Variants in HEATR5B observed in about 807,000 individuals in gnomAD.
HEATR5B encodes the protein HEAT repeat-containing protein 5B.
In HEATR5B, 156 loss-of-function variants were observed where a neutral mutation model predicts 224.1. The observed-to-expected ratio is 0.70, with a 90% CI of 0.61 to 0.80. The LOEUF (loss-of-function observed/expected upper bound fraction) is 0.80, where lower values mean the gene tolerates loss of function less well. Among genes scored for constraint, HEATR5B ranks in the 30% least tolerant of loss-of-function variants. The pLI is 0.00. For missense variants in HEATR5B, 2,323 were observed against 2,535.5 expected (o/e 0.92, Z 1.80); for synonymous variants, 1,027 against 893.0 (o/e 1.15, Z -2.68).
Position 37,005,659 on chromosome 2 carries a change from A to G in HEATR5B, c.4878T>C (p.Tyr1626=). ...QALHTLLDSP[Y]ARVHIAEDQL... is the part of the protein sequence containing the mutation. ...GATCTTCTGCAATATGGACTCGAGCATAAGGGGAGTCTAGCAAGGTATGTA... is the reference window on the plus strand; with the variant it reads ...GATCTTCTGCAATATGGACTCGAGCGTAAGGGGAGTCTAGCAAGGTATGTA... The change falls in exon 30 of 36, where the codon TAT becomes TAC. Residue 1626 remains tyrosine, a synonymous_variant. Transcript: ENST00000233099. 6.2e-7 allele frequency: 1 copy of G among 1,613,772 alleles called. No individual in the cohort carries two copies. Among genetic ancestry groups the G allele is most frequent in the Non-Finnish European group, 8.5e-7 (1 of 1,179,666 alleles).
At position 37,005,634 on chromosome 2, in the gene HEATR5B, G is replaced by C. The variant is rs1572780872; in HGVS notation, c.4903C>G (p.Gln1635Glu). The C allele has an allele frequency of 6.2e-7, 1 of 1,613,310 alleles. No homozygotes were observed. Among genetic ancestry groups the C allele is most frequent in the Middle Eastern group, 1.7e-4 (1 of 6,054 alleles). ...TCTATCATAGCAATACACTGTACCT[G>C]ATCTTCTGCAATATGGACTCGAGCA... ...PYARVHIAEDQLIGVELLSVL... is the reference protein window; with the variant it reads ...PYARVHIAEDELIGVELLSVL... The change falls in exon 30 of 36, where the codon CAG (glutamine) becomes GAG (glutamate). Residue 1635 changes from glutamine (Q) to glutamate (E), a missense_variant and splice_region_variant. Coordinates refer to ENST00000233099, the MANE Select transcript of HEATR5B (RefSeq NM_019024.3).
intron 33 of HEATR5B, among the ~76,000 whole-genome samples, chr2:36,997,975 G>C (rs1666840908): frequency 6.6e-6 from 1 of 152,132 alleles, no homozygotes; most frequent in African/African-American, 2.4e-5. Flanking sequence ...CATGATATAA[G>C]AGCCTAAATG....
Position 37,060,667 on chromosome 2 carries a change from G to C in HEATR5B, c.1763C>G (p.Ser588Cys). The C allele has an allele frequency of 3.1e-6, 5 of 1,613,854 alleles. No individual in the cohort carries two copies. The highest frequency in any genetic ancestry group is 4.2e-6 in the Non-Finnish European group (5 of 1,179,904). The change falls in exon 12 of 36, where the codon TCC (serine) becomes TGC (cysteine). Residue 588 changes from serine (S) to cysteine (C), a missense_variant. This residue lies in a region of HEATR5B where 502 missense variants were observed against 517.8 expected (regional missense o/e 0.97). Coordinates refer to ENST00000233099, the MANE Select transcript of HEATR5B (RefSeq NM_019024.3). ...LLLWRNVFPR[S>C]LKELEAEKAR... ...CTTCTCAGCTTCCAATTCCTTTAAG[G>C]AACGTGGGAAAACATTTCGCCACAA...
chr2:36,997,186 G>T (rs1195984050), intron 33 of HEATR5B, among the ~76,000 whole-genome samples: 1 of 151,598 alleles, frequency 6.6e-6, no homozygotes, highest in Non-Finnish European at 1.5e-5. Flanking sequence ...TAATTTTTTT[G>T]TTTGTTTGTT....
intron 26 of HEATR5B, among the ~76,000 whole-genome samples, chr2:37,015,383 CAGTA>C (rs1668050414): frequency 6.6e-6 from 1 of 152,048 alleles, no homozygotes; most frequent in Non-Finnish European, 1.5e-5. Flanking sequence ...TGTATATAGA[CAGTA>C]AGTAATATGT....
chr2:37,003,471 G>A, intron 31 of HEATR5B, 71 bp downstream of exon 31: 2 of 1,106,116 alleles, frequency 1.8e-6, no homozygotes, highest in Non-Finnish European at 1.3e-6. Context: ...AATATGTCCT[G>A]GCGTTAATAT....
intron 33 of HEATR5B, among the ~76,000 whole-genome samples, chr2:36,994,418 C>T (rs1407342111): frequency 1.3e-5 from 2 of 152,110 alleles, no homozygotes; most frequent in African/African-American, 4.8e-5. Context: ...GTGAAAGATG[C>T]CAGATTTTGT....
chr2:36,981,820 G>C, intron 35 of HEATR5B, 26 bp from the exon 36 acceptor site: 2 of 1,515,228 alleles, frequency 1.3e-6, no homozygotes, highest in Non-Finnish European at 1.8e-6. Flanking sequence ...TATGAAAAAA[G>C]ATCACAAACA....
At chr2:37,046,397 G>C (rs962312235) in intron 18 of HEATR5B, among the ~76,000 whole-genome samples, 53 of 152,234 alleles carry the variant, frequency 3.5e-4, no homozygotes, top group African/African-American at 1.2e-3. Flanking sequence ...GCAGCATTTT[G>C]GGAGGCCAAG....
At chr2:37,039,495 G>A (rs1178301739) in intron 20 of HEATR5B, among the ~76,000 whole-genome samples, 1 of 152,028 alleles carries the variant, frequency 6.6e-6, no homozygotes, top group African/African-American at 2.4e-5. Flanking sequence ...ATTGATCTGG[G>A]CTTCACTTCT....
chr2:37,038,148 T>C, intron 20 of HEATR5B, 124 bp from the exon 21 acceptor site: 1 of 684,726 alleles, frequency 1.5e-6, no homozygotes, highest in Non-Finnish European at 2.1e-6. Context: ...TTTTTTTTGC[T>C]GTTGTTTTTG....
In HEATR5B at chr2:37,083,229, A is replaced by G. The variant is rs1672727996; in HGVS notation, c.126+60T>C. ...AAAACATAACATGTGTTTTCTTAAG[A>G]ATCATGACCACATAATCTCTTCACG... is the stretch of plus-strand genomic sequence containing the variant. On this transcript the variant is annotated intron_variant, in intron 2 of 35. Coordinates refer to ENST00000233099, the MANE Select transcript of HEATR5B (RefSeq NM_019024.3). The G allele has an allele frequency of 2.5e-6, 4 of 1,588,800 alleles. No homozygotes were observed. The Admixed American group carries it at 6.7e-5, about 27-fold the overall frequency.
At chr2:37,003,244 A>C (rs1052965571) in intron 31 of HEATR5B, among the ~76,000 whole-genome samples, 24 of 137,560 alleles carry the variant, frequency 1.7e-4, no homozygotes, top group African/African-American at 6.2e-4. Context: ...TCTTGAGAGT[A>C]AGACTGTCCC....
At position 37,002,491 on chromosome 2, in the gene HEATR5B, A is replaced by G; in HGVS notation, c.5132T>C (p.Leu1711Pro). 1 of 1,613,978 alleles carries G rather than the reference A, an allele frequency of 6.2e-7. No individual in the cohort carries two copies. Among genetic ancestry groups the G allele is most frequent in the South Asian group, 1.1e-5 (1 of 91,082 alleles). ...DSGGLIPGKS[L>P]VFATMELLMF... ...CAGCAGCTCCATAGTTGCAAACACA[A>G]GAGATTTTCCAGGAATGAGACCACC... Residue 1711 changes from leucine (L) to proline (P), a missense_variant, in exon 32 of 36, where the codon CTT becomes CCT. Around this residue, in one of 12 missense-constraint regions of HEATR5B, gnomAD observed 844 missense variants for 812.9 expected, o/e 1.04. Transcript: ENST00000233099.
At chr2:36,997,345 C>T (rs1011202135) in intron 33 of HEATR5B, among the ~76,000 whole-genome samples, 2 of 151,954 alleles carry the variant, frequency 1.3e-5, no homozygotes, top group Non-Finnish European at 2.9e-5. Flanking sequence ...CCACCATGCC[C>T]AGCTAATTAT....
chr2:37,002,286 A>T lies in HEATR5B; in HGVS notation c.5317+20T>A, dbSNP rs764004732. 7 of 1,613,794 alleles carry T rather than the reference A, an allele frequency of 4.3e-6. No individual in the cohort carries two copies. The highest frequency in any genetic ancestry group is 3.3e-5 in the Admixed American group (2 of 60,014). ...TCTACTGTAATATAATGCATTTCCA[A>T]ATACTGATCAATACCGTACCAGCGG... On this transcript the variant is annotated intron_variant, in intron 32 of 35. Coordinates refer to ENST00000233099, the MANE Select transcript of HEATR5B (RefSeq NM_019024.3).
chr2:37,032,998 G>T lies in HEATR5B; in HGVS notation c.3217-225C>A, dbSNP rs372885919. On this transcript the variant is annotated intron_variant, in intron 21 of 35. Coordinates refer to ENST00000233099, the MANE Select transcript of HEATR5B (RefSeq NM_019024.3). ...TGGTTTCAAGCGATTCTCTGGCCTC[G>T]GCCTCCCAAGTAGCTGGGATTACAG... 3.3e-5 allele frequency among the ~76,000 whole-genome samples: 5 copies of T among 151,330 alleles called. No homozygotes were observed. In the East Asian group the frequency reaches 9.7e-4, roughly 29 times the overall value.
At chr2:37,028,614 T>C in intron 23 of HEATR5B, 67 bp downstream of exon 23, 2 of 1,249,190 alleles carry the variant, frequency 1.6e-6, no homozygotes. Flanking sequence ...TTTATACATA[T>C]ATCTATATGT....
At chr2:37,004,673 G>C (rs552456016) in intron 30 of HEATR5B, among the ~76,000 whole-genome samples, 1 of 151,952 alleles carries the variant, frequency 6.6e-6, no homozygotes, top group African/African-American at 2.4e-5. Flanking sequence ...TCTTTCTTTT[G>C]AGACTCTGTC....
Sources: allele counts gnomAD v4.1 joint callset (sites outside exome capture counted in the v4.1 genomes callset), GRCh38; gene constraint gnomAD v4.1.1; regional missense constraint gnomAD v4.1.1; transcripts MANE v1.5; gene names NCBI Gene and HGNC (gene_info 2026-07-23, HGNC 2026-07-21).